HSD17B12: variants seen among roughly 807,000 people sequenced by gnomAD.
The protein encoded by HSD17B12 is very-long-chain 3-oxoacyl-CoA reductase.
A neutral mutation model predicts 39.3 loss-of-function variants in HSD17B12; 32 were observed. That is an observed-to-expected ratio of 0.81 (90% confidence interval 0.61 to 1.09). The LOEUF is 1.09. Among genes scored for constraint, HSD17B12 ranks in the 50% least tolerant of loss-of-function variants. The pLI is 0.00. For synonymous variants in HSD17B12, 150 were observed against 146.7 expected, an observed-to-expected ratio of 1.02 and a Z score of -0.16; for missense variants, 342 against 382.9, an observed-to-expected ratio of 0.89 and a Z score of 0.89.
chr11:43,781,499 C>T (rs1197168922), intron 3 of HSD17B12, among the ~76,000 whole-genome samples: 8 of 152,060 alleles, frequency 5.3e-5, no homozygotes, highest in Non-Finnish European at 1.2e-4. Flanking sequence ...CATGTAGATA[C>T]ACATCAAAAA....
At chr11:43,720,075 A>G (rs1950162915) in intron 1 of HSD17B12, among the ~76,000 whole-genome samples, 1 of 152,190 alleles carries the variant, frequency 6.6e-6, no homozygotes, top group African/African-American at 2.4e-5. Flanking sequence ...ATAGATGAGA[A>G]GGGTCTATAT....
At chr11:43,800,547 A>C (rs554879822) in intron 4 of HSD17B12, among the ~76,000 whole-genome samples, 2 of 152,256 alleles carry the variant, frequency 1.3e-5, no homozygotes, top group African/African-American at 4.8e-5. Context: ...CCTGCCCCCT[A>C]TATGGAAAGG....
At chr11:43,812,370 T>C (rs577336263) in intron 4 of HSD17B12, among the ~76,000 whole-genome samples, 1 of 152,352 alleles carries the variant, frequency 6.6e-6, no homozygotes, top group African/African-American at 2.4e-5. Flanking sequence ...CTCTGCGTCC[T>C]TGCCAGCATC....
intron 3 of HSD17B12, 62 bp downstream of exon 3, chr11:43,754,183 G>C (rs1199206047): frequency 1.8e-6 from 2 of 1,134,708 alleles, no homozygotes; most frequent in Non-Finnish European, 2.6e-6. Context: ...GCAGTTATCC[G>C]ATACTGACAT....
At chr11:43,714,555 C>T (rs1464727388) in intron 1 of HSD17B12, among the ~76,000 whole-genome samples, 6 of 152,236 alleles carry the variant, frequency 3.9e-5, no homozygotes, top group South Asian at 2.1e-4. Context: ...AGTCAGGTAG[C>T]ATGATGCCTC....
intron 9 of HSD17B12, among the ~76,000 whole-genome samples, 157 bp downstream of exon 9, chr11:43,840,221 C>T (rs575347298): frequency 6.6e-6 from 1 of 152,196 alleles, no homozygotes; most frequent in Admixed American, 6.5e-5. Flanking sequence ...CCTTAATGCA[C>T]TTGTCTAGAT....
chr11:43,793,857 A>G (rs1018091732), intron 3 of HSD17B12, among the ~76,000 whole-genome samples: 1 of 152,240 alleles, frequency 6.6e-6, no homozygotes, highest in Non-Finnish European at 1.5e-5. Flanking sequence ...TCATTATTCT[A>G]TAGCACTATC....
At chr11:43,560,919 G>A in the HSD17B12 span, among the ~76,000 whole-genome samples, 11 of 151,910 alleles carry the variant, frequency 7.2e-5, no homozygotes, top group Non-Finnish European at 1.6e-4. Context: ...AATTGAATCC[G>A]CAGCAAAAAA....
At position 43,774,015 on chromosome 11, in the gene HSD17B12, A is replaced by G. The variant is rs1046546383; in HGVS notation, c.283+19894A>G. Reference sequence around the variant, plus strand: ...GGGATCCAGGTAGATCCTAGGTCACATATGTGTATGCTTATAGAAACCAGG... The same window carrying G: ...GGGATCCAGGTAGATCCTAGGTCACGTATGTGTATGCTTATAGAAACCAGG... On this transcript the variant is annotated intron_variant, in intron 3 of 10. Transcript: ENST00000278353. 3.3e-5 allele frequency among the ~76,000 whole-genome samples: 5 copies of G among 152,258 alleles called. 1 individual carries two copies. The highest frequency in any genetic ancestry group is 1.3e-4 in the Admixed American group (2 of 15,296).
chr11:43,583,494 T>C, the HSD17B12 span, among the ~76,000 whole-genome samples: 1 of 152,286 alleles, frequency 6.6e-6, no homozygotes, highest in Non-Finnish European at 1.5e-5. Flanking sequence ...GGGTCTCTCA[T>C]TCCGGGTGGG....
intron 1 of HSD17B12, among the ~76,000 whole-genome samples, chr11:43,690,400 A>ATTTTTTTTTTTT (rs1565049826): frequency 1.8e-4 from 5 of 27,162 alleles, no homozygotes; most frequent in Non-Finnish European, 2.9e-4. Context: ...ATATATATAT[A>ATTTTTTTTTTTT]TATATTTTTT....
intron 6 of HSD17B12, among the ~76,000 whole-genome samples, chr11:43,821,811 G>A (rs1219516744): frequency 1.3e-5 from 2 of 152,172 alleles, no homozygotes; most frequent in Non-Finnish European, 2.9e-5. Context: ...TCTGATTTGA[G>A]AGCACCTGTT....
chr11:43,807,863 G>A lies in HSD17B12; in HGVS notation c.392-7574G>A, dbSNP rs1015092115. Among the ~76,000 whole-genome samples the A allele has an allele frequency of 2.2e-4, 33 of 152,102 alleles. 1 individual carries two copies. Among genetic ancestry groups the A allele is most frequent in the Admixed American group, 2.0e-3 (31 of 15,258 alleles). On this transcript the variant is annotated intron_variant, in intron 4 of 10. Coordinates refer to ENST00000278353, the MANE Select transcript of HSD17B12 (RefSeq NM_016142.3). ...TTGTGTTTTTTAAGTCATTATTGCC[G>A]ACATGCATTGAGCACTCTTTCATGC...
chr11:43,683,095 T>TG (rs374270913), intron 1 of HSD17B12, among the ~76,000 whole-genome samples: 56 of 73,138 alleles, frequency 7.7e-4, no homozygotes, highest in Non-Finnish European at 1.0e-3. Context: ...CCTGGATGTG[T>TG]TTTTTTTTGT....
intron 3 of HSD17B12, among the ~76,000 whole-genome samples, chr11:43,754,331 G>A (rs1411694737): frequency 6.6e-6 from 1 of 152,142 alleles, no homozygotes. Flanking sequence ...CCAGCACTTT[G>A]GGAGGCTGAG....
chr11:43,772,058 G>T (rs1349443602), intron 3 of HSD17B12, among the ~76,000 whole-genome samples: 1 of 152,092 alleles, frequency 6.6e-6, no homozygotes, highest in Non-Finnish European at 1.5e-5. Flanking sequence ...CTCGAAAGCT[G>T]AACATCTAAC....
the HSD17B12 span, among the ~76,000 whole-genome samples, chr11:43,568,608 A>T: frequency 6.6e-6 from 1 of 152,190 alleles, no homozygotes; most frequent in Non-Finnish European, 1.5e-5. Flanking sequence ...ATAAAATTCC[A>T]TGAGATAGGT....
At chr11:43,761,387 GTTGTAT>G (rs538098198) in intron 3 of HSD17B12, among the ~76,000 whole-genome samples, 154 of 152,290 alleles carry the variant, frequency 1.0e-3, no homozygotes, top group Non-Finnish European at 1.8e-3. Context: ...ATCAATATGT[GTTGTAT>G]TTTCTATATA....
At chr11:43,560,059 T>C in the HSD17B12 span, among the ~76,000 whole-genome samples, 6 of 152,330 alleles carry the variant, frequency 3.9e-5, no homozygotes, top group Non-Finnish European at 5.9e-5. Context: ...TGGTGCTAAA[T>C]AAAAATAAAA....
Sources: gnomAD v4.1 joint callset for allele counts (sites outside exome capture counted in the v4.1 genomes callset) on GRCh38, gnomAD v4.1.1 for gene constraint, MANE v1.5 for transcripts, NCBI Gene and HGNC (gene_info 2026-07-23, HGNC 2026-07-21) for gene names.